Variants in CCSER1 observed in about 807,000 individuals in gnomAD.
CCSER1 encodes the protein coiled-coil serine rich protein 1, also known as serine-rich coiled-coil domain-containing protein 1.
Under a neutral mutation model 82.0 loss-of-function variants are expected in CCSER1, and 41 were observed. That is an observed-to-expected ratio of 0.50 (90% CI 0.39 to 0.65). The LOEUF (loss-of-function observed/expected upper bound fraction) is 0.65, where lower values mean the gene tolerates loss of function less well. CCSER1 is among the 30% of genes least tolerant of loss of function. The probability of loss-of-function intolerance (pLI) is 0.00; values close to 1 mark genes in which losing one functional copy is unlikely to be tolerated. For missense variants in CCSER1, 1,119 were observed against 1,064.2 expected, an observed-to-expected ratio of 1.05 and a Z score of -0.72; for synonymous variants, 414 against 383.9, an observed-to-expected ratio of 1.08 and a Z score of -0.92.
Position 90,308,486 on chromosome 4 carries a change from A to T in CCSER1, c.202A>T (p.Ile68Phe). ...KRRSIFRTPS[I>F]SFHHKKGSEP... The stretch of plus-strand genomic sequence containing the variant: ...GAGGAGCATATTCCGTACTCCTTCC[A>T]TTAGCTTCCACCATAAGAAGGGGAG... The change falls in exon 2 of 11, where the codon ATT becomes TTT. Residue 68 changes from isoleucine (I) to phenylalanine (F), a missense_variant. Transcript: ENST00000509176. 1 of 1,613,940 alleles carries T rather than the reference A, an allele frequency of 6.2e-7. No homozygotes were observed. The highest frequency in any genetic ancestry group is 8.5e-7 in the Non-Finnish European group (1 of 1,179,864).
At chr4:90,581,346 T>G (rs1781395330) in intron 5 of CCSER1, among the ~76,000 whole-genome samples, 1 of 152,088 alleles carries the variant, frequency 6.6e-6, no homozygotes, top group African/African-American at 2.4e-5. Flanking sequence ...AAAAAGACTT[T>G]TAGTAGACCA....
chr4:90,913,947 T>C (rs1726866063), intron 8 of CCSER1, among the ~76,000 whole-genome samples: 2 of 152,156 alleles, frequency 1.3e-5, no homozygotes, highest in African/African-American at 4.8e-5. Flanking sequence ...GAAGTAATTA[T>C]CCTAAATATG....
At chr4:90,710,042 A>T (rs1037521165) in intron 6 of CCSER1, among the ~76,000 whole-genome samples, 6 of 148,576 alleles carry the variant, frequency 4.0e-5, no homozygotes, top group Non-Finnish European at 5.9e-5. Context: ...GTGATCAGTG[A>T]TGTTGAGCTT....
At chr4:91,077,268 A>G (rs567088866) in intron 9 of CCSER1, among the ~76,000 whole-genome samples, 1 of 152,180 alleles carries the variant, frequency 6.6e-6, no homozygotes, top group South Asian at 2.1e-4. Flanking sequence ...ACCCTAAAAA[A>G]TGTTTAATGC....
chr4:91,316,505 G>A (rs1745846024), intron 10 of CCSER1, among the ~76,000 whole-genome samples: 1 of 151,958 alleles, frequency 6.6e-6, no homozygotes, highest in African/African-American at 2.4e-5. Flanking sequence ...ATAATGGACT[G>A]CAATTGATTG....
At chr4:90,333,700 A>G (rs1033377861) in intron 3 of CCSER1, among the ~76,000 whole-genome samples, 2 of 152,154 alleles carry the variant, frequency 1.3e-5, no homozygotes, top group African/African-American at 2.4e-5. Context: ...ACAAATATAG[A>G]TTGGACAAGA....
At chr4:90,839,317 ATAATT>A (rs373260131) in intron 8 of CCSER1, among the ~76,000 whole-genome samples, 36 of 152,370 alleles carry the variant, frequency 2.4e-4, no homozygotes, top group East Asian at 1.5e-3. Flanking sequence ...GTGTAAGAAC[ATAATT>A]TAATTAAGCA....
intron 5 of CCSER1, among the ~76,000 whole-genome samples, chr4:90,532,523 A>G (rs1290312091): frequency 6.6e-6 from 1 of 152,102 alleles, no homozygotes; most frequent in Non-Finnish European, 1.5e-5. Flanking sequence ...CTGAGAAGGC[A>G]AACCTTTTGG....
intron 5 of CCSER1, among the ~76,000 whole-genome samples, chr4:90,585,089 A>G (rs1194953119): frequency 2.6e-5 from 4 of 152,190 alleles, no homozygotes; most frequent in Non-Finnish European, 5.9e-5. Flanking sequence ...CCCTTAACCA[A>G]AAATGATATC....
chr4:90,769,534 T>C (rs1751764148), intron 7 of CCSER1, among the ~76,000 whole-genome samples: 1 of 152,166 alleles, frequency 6.6e-6, no homozygotes, highest in African/African-American at 2.4e-5. Flanking sequence ...ACTTCAGAAT[T>C]GTTATAGGCC....
At chr4:91,292,408 T>A (rs2149220781) in intron 10 of CCSER1, among the ~76,000 whole-genome samples, 1 of 152,184 alleles carries the variant, frequency 6.6e-6, no homozygotes, top group African/African-American at 2.4e-5. Context: ...TCCAAAATTA[T>A]GTTCAAATAA....
At chr4:91,367,754 A>G (rs1434942607) in intron 10 of CCSER1, among the ~76,000 whole-genome samples, 4 of 151,958 alleles carry the variant, frequency 2.6e-5, no homozygotes, top group Non-Finnish European at 4.4e-5. Context: ...TGGCTTTTTC[A>G]TGTGATGAAT....
At chr4:90,781,012 T>A in intron 7 of CCSER1, 1 of 180,598 alleles carries the variant, frequency 5.5e-6, no homozygotes, top group Non-Finnish European at 1.1e-5. Flanking sequence ...GCAGGCACAT[T>A]GCATGGTGAG....
intron 1 of CCSER1, among the ~76,000 whole-genome samples, chr4:90,284,225 C>A (rs987012821): frequency 6.6e-5 from 10 of 151,914 alleles, no homozygotes; most frequent in African/African-American, 2.4e-4. Context: ...GATTATTAGT[C>A]CCTTGTCATA....
At chr4:91,224,415 A>G (rs1018061921) in intron 10 of CCSER1, among the ~76,000 whole-genome samples, 2 of 152,090 alleles carry the variant, frequency 1.3e-5, no homozygotes, top group Non-Finnish European at 2.9e-5. Flanking sequence ...ACATTTTTCC[A>G]TATTCTTCTT....
intron 10 of CCSER1, among the ~76,000 whole-genome samples, chr4:91,568,826 T>C (rs1468812178): frequency 1.3e-5 from 2 of 152,130 alleles, no homozygotes; most frequent in Non-Finnish European, 2.9e-5. Context: ...ATCCATATTA[T>C]GAATTCTATT....
intron 9 of CCSER1, among the ~76,000 whole-genome samples, chr4:91,031,130 A>ATATATTTTCAC (rs1740944718): frequency 6.6e-6 from 1 of 152,164 alleles, no homozygotes; most frequent in Non-Finnish European, 1.5e-5. Context: ...TCATTATATG[A>ATATATTTTCAC]TGTTCACGTT....
chr4:90,445,224 C>G (rs1760481324), intron 4 of CCSER1, among the ~76,000 whole-genome samples: 1 of 152,178 alleles, frequency 6.6e-6, no homozygotes, highest in East Asian at 1.9e-4. Context: ...ACATTGTTTT[C>G]ATACCAAGAA....
chr4:91,334,748 G>A (rs975404824), intron 10 of CCSER1, among the ~76,000 whole-genome samples: 5 of 152,082 alleles, frequency 3.3e-5, no homozygotes, highest in Admixed American at 6.6e-5. Flanking sequence ...TCTCATGGGT[G>A]TGGACGTCTA....
Sources: gnomAD v4.1 joint callset for allele counts (sites outside exome capture counted in the v4.1 genomes callset) on GRCh38, gnomAD v4.1.1 for gene constraint, MANE v1.5 for transcripts, NCBI Gene and HGNC (gene_info 2026-07-23, HGNC 2026-07-21) for gene names.